CDH13: variants seen among roughly 807,000 people sequenced by gnomAD.
CDH13 encodes the protein cadherin-13.
Under a neutral mutation model 63.8 loss-of-function variants are expected in CDH13, and 24 were observed. The observed-to-expected ratio is 0.38, with a 90% CI of 0.27 to 0.53. The LOEUF (loss-of-function observed/expected upper bound fraction) is 0.53. Among genes scored for constraint, CDH13 ranks in the 20% least tolerant of loss-of-function variants. The pLI is 0.85. For missense variants in CDH13, 1,049 were observed against 903.1 expected, an observed-to-expected ratio of 1.16 and a Z score of -2.07; for synonymous variants, 503 against 355.3, an observed-to-expected ratio of 1.42 and a Z score of -4.67.
intron 4 of CDH13, among the ~76,000 whole-genome samples, chr16:83,144,156 T>C (rs2036649163): frequency 6.6e-6 from 1 of 152,170 alleles, no homozygotes; most frequent in East Asian, 1.9e-4. Context: ...CCCTTCCTTC[T>C]TTCTCTCCCT....
chr16:83,046,788 T>C (rs1283062952), intron 3 of CDH13, among the ~76,000 whole-genome samples: 1 of 152,148 alleles, frequency 6.6e-6, no homozygotes, highest in African/African-American at 2.4e-5. Flanking sequence ...AGATTGTTGC[T>C]CTGACCCTGG....
chr16:83,093,641 C>G (rs1212243367), intron 3 of CDH13, among the ~76,000 whole-genome samples: 2 of 152,048 alleles, frequency 1.3e-5, no homozygotes, highest in South Asian at 4.1e-4. Context: ...CTTTAATATG[C>G]TAATTTATTT....
intron 2 of CDH13, among the ~76,000 whole-genome samples, chr16:82,891,461 C>T (rs2041079043): frequency 1.3e-5 from 2 of 152,174 alleles, no homozygotes; most frequent in African/African-American, 4.8e-5. Flanking sequence ...AGAAACTCAA[C>T]ACATTGTTGA....
At chr16:83,355,768 A>C (rs1227599717) in intron 6 of CDH13, among the ~76,000 whole-genome samples, 2 of 152,216 alleles carry the variant, frequency 1.3e-5, no homozygotes, top group East Asian at 1.9e-4. Context: ...CATCACTGTT[A>C]CACAGGGGAA....
rs1319451675 is a variant in CDH13, at chr16:83,047,862, A to AT, written c.366+15648dup. ...ATAATAACTCTATAATATAGGTCCTATTTTATCTTCATTTTACAGGTGAAT... is the reference window on the plus strand; with the variant it reads ...ATAATAACTCTATAATATAGGTCCTATTTTTATCTTCATTTTACAGGTGAAT... On this transcript the variant is annotated intron_variant, in intron 3 of 13. Transcript: ENST00000567109. This position sits in a 1 kb window ranked among gnomAD's most constrained non-coding sequence, Gnocchi z 4.9. 5.9e-5 allele frequency among the ~76,000 whole-genome samples: 9 copies of AT among 152,154 alleles called. No homozygotes were observed. The highest frequency in any genetic ancestry group is 2.2e-4 in the African/African-American group (9 of 41,440).
intron 1 of CDH13, among the ~76,000 whole-genome samples, chr16:82,736,627 C>T (rs1026463061): frequency 6.6e-5 from 10 of 152,070 alleles, no homozygotes; most frequent in South Asian, 6.2e-4. Context: ...TTCCTCTCTC[C>T]GCTAGCTTAA....
At chr16:83,073,461 A>G (rs1321042535) in intron 3 of CDH13, among the ~76,000 whole-genome samples, 1 of 151,934 alleles carries the variant, frequency 6.6e-6, no homozygotes, top group African/African-American at 2.4e-5. Context: ...ATTTAATTAG[A>G]TGCTGCTGTT....
At chr16:83,187,385 A>C (rs970844980) in intron 4 of CDH13, among the ~76,000 whole-genome samples, 27 of 152,116 alleles carry the variant, frequency 1.8e-4, no homozygotes, top group African/African-American at 6.0e-4. Context: ...AATCCTCTCA[A>C]ATGCCAGCTG....
intron 2 of CDH13, among the ~76,000 whole-genome samples, chr16:82,884,790 T>TA (rs2040824584): frequency 6.6e-6 from 1 of 152,208 alleles, no homozygotes; most frequent in Non-Finnish European, 1.5e-5. Context: ...AATTTTTGGA[T>TA]AAAAATCCTT....
chr16:82,655,635 C>T (rs1597232779), intron 1 of CDH13, among the ~76,000 whole-genome samples: 1 of 152,094 alleles, frequency 6.6e-6, no homozygotes, highest in Non-Finnish European at 1.5e-5. Flanking sequence ...TTTTTATGTG[C>T]AGCAGAGGAA....
chr16:82,769,027 A>G (rs750194105), intron 1 of CDH13, among the ~76,000 whole-genome samples: 40 of 152,220 alleles, frequency 2.6e-4, no homozygotes, highest in Non-Finnish European at 3.7e-4. Context: ...TAGAACATCA[A>G]ATTCTGAAAC....
chr16:83,546,912 T>A (rs1385812285), intron 7 of CDH13, among the ~76,000 whole-genome samples: 1 of 152,214 alleles, frequency 6.6e-6, no homozygotes, highest in Non-Finnish European at 1.5e-5. Flanking sequence ...TGAAAAGACT[T>A]GCAAAATGCA....
intron 4 of CDH13, among the ~76,000 whole-genome samples, chr16:83,172,898 C>G (rs994970643): frequency 6.6e-6 from 1 of 152,104 alleles, no homozygotes; most frequent in Non-Finnish European, 1.5e-5. Flanking sequence ...CTCATTTCAT[C>G]AAGTATAATG....
intron 4 of CDH13, among the ~76,000 whole-genome samples, chr16:83,193,676 A>C (rs982576682): frequency 6.6e-6 from 1 of 152,210 alleles, no homozygotes; most frequent in Non-Finnish European, 1.5e-5. Context: ...TTATCGTTAC[A>C]TCTGCTCTTC....
chr16:83,303,649 C>G (rs1212687165), intron 5 of CDH13, among the ~76,000 whole-genome samples: 1 of 152,078 alleles, frequency 6.6e-6, no homozygotes, highest in East Asian at 1.9e-4. Context: ...GATAAGGAAA[C>G]TTCAACGAAC....
chr16:82,953,356 T>C (rs1384776465), intron 2 of CDH13: 6 of 152,242 alleles, frequency 3.9e-5, no homozygotes, highest in African/African-American at 2.4e-5. Flanking sequence ...AATTTTGGTT[T>C]ATTAGATCAC....
At chr16:83,467,111 T>C (rs2073335348) in intron 6 of CDH13, among the ~76,000 whole-genome samples, 1 of 152,126 alleles carries the variant, frequency 6.6e-6, no homozygotes, top group Non-Finnish European at 1.5e-5. Context: ...AAGAAAGCAA[T>C]ATAAGCCATA....
intron 10 of CDH13, among the ~76,000 whole-genome samples, chr16:83,707,836 C>CAAAGAAAAAAAAA (rs1907338469): frequency 1.3e-5 from 1 of 78,902 alleles, no homozygotes; most frequent in Non-Finnish European, 2.3e-5. Context: ...ACCCTAAAGG[C>CAAAGAAAAAAAAA]AAAAAAAAAA....
chr16:82,856,295 C>A (rs2039683668), intron 1 of CDH13, among the ~76,000 whole-genome samples: 1 of 147,708 alleles, frequency 6.8e-6, no homozygotes, highest in Non-Finnish European at 1.5e-5. Flanking sequence ...AGAATGGCGT[C>A]AAGCTGGGGG....
Sources: allele counts gnomAD v4.1 joint callset (sites outside exome capture counted in the v4.1 genomes callset), GRCh38; gene constraint gnomAD v4.1.1; non-coding constraint Gnocchi (gnomAD v3.1); transcripts MANE v1.5; gene names NCBI Gene and HGNC (gene_info 2026-07-23, HGNC 2026-07-21).